TENM2: variants seen among roughly 807,000 people sequenced by gnomAD.
The protein encoded by TENM2 is teneurin transmembrane protein 2.
TENM2 carries 52 observed loss-of-function variants against 245.2 expected under a neutral mutation model. That is an observed-to-expected ratio of 0.21 (90% CI 0.17 to 0.27). The LOEUF is 0.27. Among genes scored for constraint, TENM2 ranks in the 10% least tolerant of loss-of-function variants. TENM2 has a pLI of 1.00. For missense variants in TENM2, 3,046 were observed against 3,666.8 expected (o/e 0.83, Z 4.37); for synonymous variants, 1,363 against 1,438.9 (o/e 0.95, Z 1.19).
intron 1 of TENM2, among the ~76,000 whole-genome samples, chr5:167,328,216 T>G (rs1352989164): frequency 2.0e-5 from 3 of 149,084 alleles, no homozygotes; most frequent in Non-Finnish European, 3.0e-5. Flanking sequence ...TTTTTTTTTT[T>G]TTTTTTTTTT....
In TENM2 at chr5:168,216,763, C is replaced by T. The variant is rs755743086; in HGVS notation, c.4079-5C>T. The T allele has an allele frequency of 6.2e-7, 1 of 1,613,742 alleles. No individual in the cohort carries two copies. The highest frequency in any genetic ancestry group is 1.3e-5 in the African/African-American group (1 of 75,024). Reference sequence around the variant, plus strand: ...AGATAAATCCACACCGCTTGTCTTGCTCAGGTATTGCAGTAGACAAGAATG... The same window carrying T: ...AGATAAATCCACACCGCTTGTCTTGTTCAGGTATTGCAGTAGACAAGAATG... On this transcript the variant is annotated splice_region_variant and splice_polypyrimidine_tract_variant and intron_variant, in intron 21 of 28. Transcript: ENST00000518659.
chr5:167,678,087 G>T (rs1288669152), intron 2 of TENM2, among the ~76,000 whole-genome samples: 1 of 151,970 alleles, frequency 6.6e-6, no homozygotes, highest in Non-Finnish European at 1.5e-5. Context: ...TTTCTGTTAT[G>T]CACAAGAATA....
chr5:167,887,469 T>A (rs1774380379), intron 3 of TENM2, among the ~76,000 whole-genome samples: 1 of 152,210 alleles, frequency 6.6e-6, no homozygotes, highest in Non-Finnish European at 1.5e-5. Flanking sequence ...ACTGTAACAT[T>A]TTTAGATCTG....
rs1757830480 is a variant in TENM2 at position 167,337,220 on chromosome 5, T to G, written c.227-37978T>G. On this transcript the variant is annotated intron_variant, in intron 1 of 28. Coordinates refer to ENST00000518659, the Ensembl canonical transcript of TENM2. Reference sequence around the variant, plus strand: ...AGGGATACTCAATTTGTAGTGTACGTAAGACATACAGCAGGGACAAGAAAA... The same window carrying G: ...AGGGATACTCAATTTGTAGTGTACGGAAGACATACAGCAGGGACAAGAAAA... 2.0e-5 allele frequency among the ~76,000 whole-genome samples: 3 copies of G among 150,036 alleles called. No individual in the cohort carries two copies. In the South Asian group the frequency reaches 6.3e-4, roughly 32 times the overall value.
At chr5:167,352,661 A>G (rs1019263441) in intron 1 of TENM2, among the ~76,000 whole-genome samples, 14 of 152,218 alleles carry the variant, frequency 9.2e-5, no homozygotes, top group African/African-American at 2.9e-4. Context: ...CTACATAGCA[A>G]CAATACATAT....
At chr5:167,998,038 C>T (rs1426302458) in intron 5 of TENM2, among the ~76,000 whole-genome samples, 1 of 152,216 alleles carries the variant, frequency 6.6e-6, no homozygotes, top group Non-Finnish European at 1.5e-5. Context: ...AGTCACTTTT[C>T]TCTTTAAATA....
intron 2 of TENM2, among the ~76,000 whole-genome samples, chr5:167,706,337 G>A (rs956654531): frequency 6.8e-6 from 1 of 147,080 alleles, no homozygotes; most frequent in Non-Finnish European, 1.5e-5. Flanking sequence ...ATTAGAAAAT[G>A]TGATACAGTA....
At chr5:167,982,578 AT>A (rs1047986816) in intron 4 of TENM2, among the ~76,000 whole-genome samples, 1 of 151,832 alleles carries the variant, frequency 6.6e-6, no homozygotes. Flanking sequence ...TATTGTCTCT[AT>A]TTTTTTAGAG....
chr5:168,070,819 GA>G (rs767578367), intron 7 of TENM2, among the ~76,000 whole-genome samples: 9 of 111,568 alleles, frequency 8.1e-5, no homozygotes, highest in Admixed American at 6.1e-4. Flanking sequence ...GAGAGAGAGA[GA>G]AAAAAAGAAA....
the TENM2 span, among the ~76,000 whole-genome samples, chr5:167,240,162 C>G: frequency 2.6e-5 from 4 of 152,100 alleles, no homozygotes; most frequent in African/African-American, 9.7e-5. Context: ...CTGGGGCTCC[C>G]CTTAAGTATT....
Position 168,115,406 on chromosome 5 carries a change from AAG to A in TENM2, c.1814-2885_1814-2884del, listed in dbSNP as rs1562177150. ...GAAGGAAGGAAGGAAGGAAGGAAGG[AAG>A]GGAAAGGAAAGGAAGGAAAGAAAAA... On this transcript the variant is annotated intron_variant, in intron 9 of 28. Transcript: ENST00000518659. Among the ~76,000 whole-genome samples the A allele has an allele frequency of 1.1e-3, 113 of 101,042 alleles. 1 individual carries two copies. The highest frequency in any genetic ancestry group is 1.3e-3 in the Non-Finnish European group (61 of 47,702). 66.3% of individuals were successfully genotyped at this position (101,042 alleles called of 152,430 possible).
intron 3 of TENM2, among the ~76,000 whole-genome samples, chr5:167,931,491 AT>A (rs1252694107): frequency 6.8e-6 from 1 of 146,140 alleles, no homozygotes; most frequent in African/African-American, 2.5e-5. Flanking sequence ...GAAATTCCTT[AT>A]TGCTGAAATG....
chr5:167,360,538 A>G (rs1759649288), intron 1 of TENM2, among the ~76,000 whole-genome samples: 1 of 152,080 alleles, frequency 6.6e-6, no homozygotes, highest in Non-Finnish European at 1.5e-5. Context: ...TGCTCATGGT[A>G]TCCTCCATTT....
chr5:167,385,922 A>G (rs1761407959), intron 2 of TENM2, among the ~76,000 whole-genome samples: 1 of 146,742 alleles, frequency 6.8e-6, no homozygotes, highest in Admixed American at 6.9e-5. Flanking sequence ...TTATCCACTC[A>G]TTGATTGATG....
intron 2 of TENM2, among the ~76,000 whole-genome samples, chr5:167,383,635 AT>A (rs1463789264): frequency 4.7e-5 from 7 of 149,232 alleles, no homozygotes; most frequent in African/African-American, 9.8e-5. Flanking sequence ...CCATGAGCTA[AT>A]TTTTTTATTA....
At chr5:167,009,465 C>T in the TENM2 span, among the ~76,000 whole-genome samples, 1 of 152,078 alleles carries the variant, frequency 6.6e-6, no homozygotes. Flanking sequence ...GTGAAATACA[C>T]CTTTTCTTTT....
chr5:167,976,695 C>A (rs1455474366), intron 4 of TENM2, among the ~76,000 whole-genome samples: 1 of 151,914 alleles, frequency 6.6e-6, no homozygotes, highest in Non-Finnish European at 1.5e-5. Flanking sequence ...GAATTTATAC[C>A]CAAACTCAAT....
intron 2 of TENM2, among the ~76,000 whole-genome samples, chr5:167,618,892 T>C (rs1164530860): frequency 6.6e-6 from 1 of 152,080 alleles, no homozygotes; most frequent in Non-Finnish European, 1.5e-5. Flanking sequence ...TCCTAAAAAT[T>C]TACCTAGTTA....
intron 2 of TENM2, among the ~76,000 whole-genome samples, chr5:167,445,476 A>C (rs1765156210): frequency 6.6e-6 from 1 of 152,024 alleles, no homozygotes; most frequent in Non-Finnish European, 1.5e-5. Flanking sequence ...TATGTAAGCA[A>C]GTAATTTCAA....
Sources: allele counts gnomAD v4.1 joint callset (sites outside exome capture counted in the v4.1 genomes callset), GRCh38; gene constraint gnomAD v4.1.1; transcripts MANE v1.5; gene names NCBI Gene and HGNC (gene_info 2026-07-23, HGNC 2026-07-21).